The following SLC26A8 variants were observed in gnomAD, a reference collection of about 807,000 sequenced individuals.
SLC26A8 encodes the protein solute carrier family 26 member 8.
Under a neutral mutation model 105.0 loss-of-function variants are expected in SLC26A8, and 70 were observed. The observed-to-expected ratio is 0.67, with a 90% confidence interval of 0.55 to 0.81. SLC26A8 has a LOEUF of 0.81. SLC26A8 is among the 40% of genes least tolerant of loss of function. The pLI is 0.00. For synonymous variants in SLC26A8, 415 were observed against 438.3 expected (o/e 0.95, Z 0.66); for missense variants, 998 against 1,181.8 (o/e 0.84, Z 2.28).
chr6:35,952,755 C>T (rs1771922224), intron 17 of SLC26A8, among the ~76,000 whole-genome samples: 1 of 152,012 alleles, frequency 6.6e-6, no homozygotes, highest in African/African-American at 2.4e-5. Flanking sequence ...GTGGCTCATG[C>T]CTGTAATCCC....
chr6:35,949,939 G>T (rs1402691889), intron 19 of SLC26A8, among the ~76,000 whole-genome samples: 1 of 151,900 alleles, frequency 6.6e-6, no homozygotes, highest in East Asian at 1.9e-4. Flanking sequence ...CCAAGTAGCT[G>T]GGACTACAGG....
chr6:35,969,068 G>A, intron 10 of SLC26A8, 114 bp from the exon 11 acceptor site: 1 of 839,680 alleles, frequency 1.2e-6, no homozygotes. Flanking sequence ...AAGGAGTTGA[G>A]TTCAGTCCAA....
intron 4 of SLC26A8, among the ~76,000 whole-genome samples, chr6:35,998,606 A>T (rs16868729): frequency 0.12 from 18,102 of 151,730 alleles, 1,106 homozygotes; most frequent in South Asian, 0.15. Flanking sequence ...ATCAATAACA[A>T]TAGGAAGAAA....
chr6:36,012,158 T>C, intron 3 of SLC26A8, 75 bp downstream of exon 3: 1 of 1,539,226 alleles, frequency 6.5e-7, no homozygotes, highest in Non-Finnish European at 8.8e-7. Flanking sequence ...GTAGCACAAG[T>C]AATTGTTTAC....
In SLC26A8 at chr6:35,944,525, T is replaced by A. The variant is rs562620166; in HGVS notation, c.2473-185A>T. On this transcript the variant is annotated intron_variant, in intron 19 of 19. Transcript: ENST00000490799. ...TATCTTAACAAATAATAATAATAAT[T>A]ATAATTATTATATAATAATAATAAT... 9.5e-5 allele frequency among the ~76,000 whole-genome samples: 14 copies of A among 147,632 alleles called. No individual in the cohort carries two copies. The South Asian group carries it at 2.1e-3, about 22-fold the overall frequency.
chr6:36,011,405 T>C (rs1359398514), intron 3 of SLC26A8, among the ~76,000 whole-genome samples: 3 of 152,236 alleles, frequency 2.0e-5, no homozygotes, highest in Non-Finnish European at 4.4e-5. Flanking sequence ...TGTGGGACTC[T>C]GGAAGCAATA....
Position 35,992,598 on chromosome 6 carries a change from G to A in SLC26A8, c.704C>T (p.Ala235Val). The A allele has an allele frequency of 6.2e-7, 1 of 1,614,130 alleles. No individual in the cohort carries two copies. Among genetic ancestry groups the A allele is most frequent in the East Asian group, 2.2e-5 (1 of 44,874 alleles). Reference protein sequence around the residue: ...PESAMSAYLAAVALHIMLSQL... With the variant: ...PESAMSAYLAVVALHIMLSQL... ...GGACAGCATGATATGAAGTGCCACA[G>A]CAGCCAGGTAAGCACTCATTGCAGA... The change falls in exon 6 of 20, where the codon GCT becomes GTT. Residue 235 changes from alanine to valine, a missense_variant. Transcript: ENST00000490799.
intron 3 of SLC26A8, among the ~76,000 whole-genome samples, chr6:36,000,637 T>A (rs1159843536): frequency 6.6e-6 from 1 of 152,214 alleles, no homozygotes; most frequent in Non-Finnish European, 1.5e-5. Context: ...CCATGAGAAT[T>A]TGGAAATTTT....
rs1251759553 is a variant in SLC26A8 at position 35,991,801 on chromosome 6, A to C, written c.800T>G (p.Ile267Ser). 1 of 1,586,686 alleles carries C rather than the reference A, an allele frequency of 6.3e-7. No individual in the cohort carries two copies. The highest frequency in any genetic ancestry group is 8.5e-7 in the Non-Finnish European group (1 of 1,170,944). The change falls in exon 7 of 20, where the codon ATT becomes AGT. Residue 267 changes from isoleucine to serine, a missense_variant. Physicochemically the swap from Ile to Ser is moderately radical, Grantham distance 142 (BLOSUM62 -2). Coordinates refer to ENST00000490799, the MANE Select transcript of SLC26A8 (RefSeq NM_052961.4). Reference protein sequence around the residue: ...AGPISFFYDIINYCVALPKAN... With the variant: ...AGPISFFYDISNYCVALPKAN... The stretch of plus-strand genomic sequence containing the variant: ...TTTTGGGAGAGCTACACAGTAATTA[A>C]TTATGTCCTGAAAGAAAATAAAATT...
chr6:36,002,079 T>A (rs1761539862), intron 3 of SLC26A8, among the ~76,000 whole-genome samples: 1 of 152,214 alleles, frequency 6.6e-6, no homozygotes, highest in African/African-American at 2.4e-5. Context: ...TCTATAGGAT[T>A]TTTTCACCAC....
chr6:35,971,195 C>A (rs918453253), intron 10 of SLC26A8, among the ~76,000 whole-genome samples: 3 of 152,176 alleles, frequency 2.0e-5, no homozygotes, highest in African/African-American at 7.2e-5. Context: ...ATCAGAGGAC[C>A]ATCTTCTGTG....
At chr6:35,950,635 C>T (rs1771835947) in intron 19 of SLC26A8, among the ~76,000 whole-genome samples, 1 of 152,136 alleles carries the variant, frequency 6.6e-6, no homozygotes, top group African/African-American at 2.4e-5. Context: ...ATATTATTCT[C>T]CTTTGCATTT....
In SLC26A8 at chr6:35,968,611, ATATATATATATATATAT is replaced by A. The variant is rs1772636336; in HGVS notation, c.1365+249_1365+265del. 8.4e-4 allele frequency among the ~76,000 whole-genome samples: 37 copies of A among 44,116 alleles called. No homozygotes were observed. In the East Asian group the frequency reaches 0.02, roughly 24 times the overall value. 28.9% of individuals were successfully genotyped at this position (44,116 alleles called of 152,430 possible). ...TGTATGTGTGTGTGTGTGTGTGTGT[ATATATATATATATATAT>A]ATATATATATATATATATATATATA... On this transcript the variant is annotated intron_variant, in intron 11 of 19. Transcript: ENST00000490799.
intron 2 of SLC26A8, among the ~76,000 whole-genome samples, chr6:36,018,551 G>C (rs936701119): frequency 1.3e-5 from 2 of 152,196 alleles, no homozygotes; most frequent in African/African-American, 4.8e-5. Flanking sequence ...ATTTCTGTTT[G>C]AGGTGATGAA....
chr6:36,019,445 A>T, intron 2 of SLC26A8, 75 bp downstream of exon 2: 1 of 1,415,862 alleles, frequency 7.1e-7, no homozygotes, highest in Non-Finnish European at 9.5e-7. Context: ...AGAAAGAGAA[A>T]CGGACCCCAA....
At chr6:35,970,672 C>T (rs1772758701) in intron 10 of SLC26A8, among the ~76,000 whole-genome samples, 1 of 152,028 alleles carries the variant, frequency 6.6e-6, no homozygotes, top group Non-Finnish European at 1.5e-5. Context: ...TTTTTTTCTC[C>T]AAAATTCTTC....
chr6:36,008,495 T>C (rs1231676347), intron 3 of SLC26A8, among the ~76,000 whole-genome samples: 1 of 152,148 alleles, frequency 6.6e-6, no homozygotes, highest in Non-Finnish European at 1.5e-5. Flanking sequence ...GAGATACCAC[T>C]ACGTACTTCT....
In SLC26A8 at chr6:35,961,046, T is replaced by C. The variant is rs1346947542; in HGVS notation, c.1515A>G (p.Gly505=). 2.5e-6 allele frequency: 4 copies of C among 1,613,884 alleles called. No homozygotes were observed. The highest frequency in any genetic ancestry group is 2.7e-5 in the African/African-American group (2 of 74,856). Residue 505 remains glycine (G), a synonymous_variant, in exon 13 of 20, where the codon GGA becomes GGG. Coordinates refer to ENST00000490799, the MANE Select transcript of SLC26A8 (RefSeq NM_052961.4). The stretch of plus-strand genomic sequence containing the variant: ...AAGCAGAAACTACTGAGATAATTAG[T>C]CCAATGTCCAGTCCCAGGAAAATTG... The part of the protein sequence containing the change: ...SSSIFLGLDI[G]LIISVVSAFF...
intron 9 of SLC26A8, among the ~76,000 whole-genome samples, chr6:35,976,568 T>TTTTTTTTTTTTTTTG (rs1773040839): frequency 6.7e-6 from 1 of 149,898 alleles, no homozygotes; most frequent in African/African-American, 2.5e-5. Flanking sequence ...TTTTTTTTTT[T>TTTTTTTTTTTTTTTG]GAGATGGAGT....
Sources: allele counts gnomAD v4.1 joint callset (sites outside exome capture counted in the v4.1 genomes callset), GRCh38; gene constraint gnomAD v4.1.1; transcripts MANE v1.5; gene names NCBI Gene and HGNC (gene_info 2026-07-23, HGNC 2026-07-21).